The following PTPRD variants were observed in gnomAD, a reference collection of about 807,000 sequenced individuals.
PTPRD encodes the protein protein tyrosine phosphatase receptor type D.
In PTPRD, 34 loss-of-function variants were observed where a neutral mutation model predicts 214.5. The ratio of observed to expected loss-of-function variants is 0.16; its 90% CI spans 0.12 to 0.21. The LOEUF (loss-of-function observed/expected upper bound fraction) is 0.21. PTPRD is among the 10% of genes least tolerant of loss of function. PTPRD has a pLI of 1.00. For missense variants in PTPRD, 2,545 were observed against 2,398.7 expected (o/e 1.06, Z -1.27); for synonymous variants, 1,128 against 845.7 (o/e 1.33, Z -5.79).
intron 3 of PTPRD, among the ~76,000 whole-genome samples, chr9:10,273,809 A>G (rs1422624988): frequency 1.3e-5 from 2 of 152,176 alleles, no homozygotes; most frequent in Non-Finnish European, 2.9e-5. Flanking sequence ...CATAAAGGTT[A>G]AAACACAATG....
intron 11 of PTPRD, among the ~76,000 whole-genome samples, chr9:8,771,180 C>CAAAA (rs35840345): frequency 7.8e-5 from 11 of 141,120 alleles, no homozygotes; most frequent in African/African-American, 1.6e-4. Context: ...GATTCCGTCT[C>CAAAA]AAAAAAAAAA....
intron 10 of PTPRD, among the ~76,000 whole-genome samples, chr9:9,080,382 T>C (rs1009617482): frequency 6.6e-6 from 1 of 152,110 alleles, no homozygotes; most frequent in African/African-American, 2.4e-5. Flanking sequence ...AAAAGCTGTA[T>C]GTGAATACTG....
rs112529462 is a variant in PTPRD, at chr9:10,187,161, A to C, written c.-544-153371T>G. ...TTAATTTGATTGCCTGATTTTTTAT[A>C]TCTTTCATGGTTAAAATGCTGTGTT... On this transcript the variant is annotated intron_variant, in intron 3 of 45. Coordinates refer to ENST00000381196, the MANE Select transcript of PTPRD (RefSeq NM_002839.4). Among the ~76,000 whole-genome samples the C allele has an allele frequency of 5.0e-3, 758 of 152,258 alleles. 7 individuals carry two copies. Among genetic ancestry groups the C allele is most frequent in the African/African-American group, 0.017 (724 of 41,548 alleles).
intron 2 of PTPRD, among the ~76,000 whole-genome samples, chr9:10,359,771 A>C (rs2097342460): frequency 6.6e-6 from 1 of 152,168 alleles, no homozygotes; most frequent in Admixed American, 6.5e-5. Context: ...TAACAATTTT[A>C]GTGTACACTA....
chr9:10,264,503 T>A (rs868813623), intron 3 of PTPRD, among the ~76,000 whole-genome samples: 1 of 152,292 alleles, frequency 6.6e-6, no homozygotes, highest in Non-Finnish European at 1.5e-5. Context: ...ATTTTGGACT[T>A]GCATGGGGCC....
At chr9:9,166,764 G>A (rs2099905023) in intron 10 of PTPRD, among the ~76,000 whole-genome samples, 1 of 151,916 alleles carries the variant, frequency 6.6e-6, no homozygotes, top group Non-Finnish European at 1.5e-5. Flanking sequence ...GAGAAGGAGG[G>A]CATTCACAAA....
chr9:9,329,688 A>C (rs924718270), intron 9 of PTPRD, among the ~76,000 whole-genome samples: 1 of 152,214 alleles, frequency 6.6e-6, no homozygotes, highest in Non-Finnish European at 1.5e-5. Flanking sequence ...AATTGTTACA[A>C]CAAACTAGAT....
intron 2 of PTPRD, among the ~76,000 whole-genome samples, chr9:10,481,364 T>C (rs1293719809): frequency 1.3e-5 from 2 of 152,182 alleles, no homozygotes; most frequent in Non-Finnish European, 1.5e-5. Context: ...AGAAATTATA[T>C]GATTCAAATT....
In PTPRD at chr9:8,317,826, T is replaced by A; in HGVS notation, c.*48A>T. On this transcript the variant is annotated 3_prime_UTR_variant, in exon 46 of 46. Coordinates refer to ENST00000381196, the MANE Select transcript of PTPRD (RefSeq NM_002839.4). ...CCTGTATGGCTCAGAAGAGACTCCATGGATATTGAAGGGCCTGTAGTAAAA... is the reference window on the plus strand; with the variant it reads ...CCTGTATGGCTCAGAAGAGACTCCAAGGATATTGAAGGGCCTGTAGTAAAA... 1 of 1,558,000 alleles carries A rather than the reference T, an allele frequency of 6.4e-7. No individual in the cohort carries two copies. Among genetic ancestry groups the A allele is most frequent in the Non-Finnish European group, 8.9e-7 (1 of 1,129,884 alleles).
chr9:9,515,330 T>C (rs1435678711), intron 8 of PTPRD, among the ~76,000 whole-genome samples: 1 of 152,122 alleles, frequency 6.6e-6, no homozygotes, highest in Non-Finnish European at 1.5e-5. Context: ...ATCTATGAGA[T>C]TTTAAAAACA....
chr9:9,340,220 A>C (rs2137227793), intron 9 of PTPRD, among the ~76,000 whole-genome samples: 1 of 152,312 alleles, frequency 6.6e-6, no homozygotes, highest in Non-Finnish European at 1.5e-5. Flanking sequence ...ATATGTGGAT[A>C]AATGCCTCCC....
At chr9:10,225,409 G>A (rs1046937454) in intron 3 of PTPRD, among the ~76,000 whole-genome samples, 4 of 151,892 alleles carry the variant, frequency 2.6e-5, no homozygotes, top group African/African-American at 9.7e-5. Context: ...TTAACAGTCC[G>A]CTTATTTTAC....
chr9:9,000,513 T>A (rs2099413847), intron 11 of PTPRD, among the ~76,000 whole-genome samples: 1 of 151,964 alleles, frequency 6.6e-6, no homozygotes, highest in Non-Finnish European at 1.5e-5. Flanking sequence ...ATTAACCTTT[T>A]TAAAAAACTT....
At chr9:10,324,904 A>G (rs1156949311) in intron 3 of PTPRD, among the ~76,000 whole-genome samples, 1 of 152,028 alleles carries the variant, frequency 6.6e-6, no homozygotes. Flanking sequence ...GCAAATCAAA[A>G]TTTCAAATTT....
At chr9:8,321,512 TATATATATATATATAAAA>T (rs1563891636) in intron 44 of PTPRD, among the ~76,000 whole-genome samples, 18 of 126,080 alleles carry the variant, frequency 1.4e-4, no homozygotes, top group African/African-American at 5.8e-4. Flanking sequence ...TATATATATA[TATATATATATATATAAAA>T]GGTATATGCA....
chr9:9,757,330 G>T (rs2098596785), intron 6 of PTPRD, among the ~76,000 whole-genome samples: 1 of 152,120 alleles, frequency 6.6e-6, no homozygotes, highest in Admixed American at 6.6e-5. Flanking sequence ...AAAGACAAAA[G>T]ATGTAAGGAA....
chr9:9,660,493 T>G (rs1006119906), intron 7 of PTPRD, among the ~76,000 whole-genome samples: 1 of 151,984 alleles, frequency 6.6e-6, no homozygotes, highest in Non-Finnish European at 1.5e-5. Context: ...TTTCAAGACA[T>G]AGATGTGGGT....
intron 10 of PTPRD, among the ~76,000 whole-genome samples, chr9:9,081,420 T>A (rs562048284): frequency 1.3e-4 from 20 of 152,278 alleles, no homozygotes; most frequent in African/African-American, 4.8e-4. Context: ...TCCAATTATG[T>A]GGTCAATTTT....
At chr9:10,263,070 A>G (rs1361036124) in intron 3 of PTPRD, among the ~76,000 whole-genome samples, 1 of 152,054 alleles carries the variant, frequency 6.6e-6, no homozygotes, top group Non-Finnish European at 1.5e-5. Context: ...ACCTTCCACC[A>G]TTATTGTGAG....
Sources: gnomAD v4.1 joint callset for allele counts (sites outside exome capture counted in the v4.1 genomes callset) on GRCh38, gnomAD v4.1.1 for gene constraint, MANE v1.5 for transcripts, NCBI Gene and HGNC (gene_info 2026-07-23, HGNC 2026-07-21) for gene names.